SULF1: variants seen among roughly 807,000 people sequenced by gnomAD.
SULF1 encodes sulfatase 1, also known as extracellular sulfatase Sulf-1.
In SULF1, 46 loss-of-function variants were observed where a neutral mutation model predicts 110.5. The ratio of observed to expected loss-of-function variants is 0.42; its 90% CI spans 0.33 to 0.53. The LOEUF is 0.53. SULF1 is among the 20% of genes least tolerant of loss of function. The pLI, the probability that SULF1 is intolerant of heterozygous loss-of-function variation, is 0.12. For missense variants in SULF1, 941 were observed against 1,094.2 expected (o/e 0.86, Z 1.98); for synonymous variants, 371 against 387.1 (o/e 0.96, Z 0.49).
intron 3 of SULF1, among the ~76,000 whole-genome samples, chr8:69,519,175 C>T (rs1442244224): frequency 6.6e-6 from 1 of 152,128 alleles, no homozygotes; most frequent in East Asian, 1.9e-4. Flanking sequence ...AAAAATAAGT[C>T]CCACCACATT....
intron 8 of SULF1, chr8:69,596,978 A>T (rs1807388117): frequency 6.6e-6 from 1 of 152,228 alleles, no homozygotes; most frequent in African/African-American, 2.4e-5. Flanking sequence ...GTTGTCCAAG[A>T]TCACATAATA....
In SULF1 at chr8:69,540,327, GTATC is replaced by G. The variant is rs1375009272; in HGVS notation, c.-133-23209_-133-23206del. On this transcript the variant is annotated intron_variant, in intron 3 of 22. Transcript: ENST00000402687. ...TACAAATAGAGAACAAAATACTAGA[GTATC>G]TAATATTTGTAAGGCACTTTTGCAT... Among the ~76,000 whole-genome samples, 5 of 152,286 alleles carry G rather than the reference GTATC, an allele frequency of 3.3e-5. No homozygotes were observed. In the East Asian group the frequency reaches 9.6e-4, roughly 29 times the overall value.
intron 3 of SULF1, among the ~76,000 whole-genome samples, chr8:69,539,136 A>T (rs1358722961): frequency 6.6e-6 from 1 of 152,182 alleles, no homozygotes; most frequent in African/African-American, 2.4e-5. Flanking sequence ...CGCCTTTGTC[A>T]TTCGACCTGC....
chr8:69,522,015 A>G (rs1215395811), intron 3 of SULF1, among the ~76,000 whole-genome samples: 1 of 151,766 alleles, frequency 6.6e-6, no homozygotes, highest in Non-Finnish European at 1.5e-5. Flanking sequence ...AAAGGAAGAC[A>G]GAGAGAGAGA....
chr8:69,518,767 G>A (rs938551806), intron 3 of SULF1, among the ~76,000 whole-genome samples: 1 of 152,176 alleles, frequency 6.6e-6, no homozygotes, highest in African/African-American at 2.4e-5. Flanking sequence ...TGTGTGAAGT[G>A]TAAGTTATTC....
At chr8:69,559,900 T>C (rs1815362218) in intron 3 of SULF1, among the ~76,000 whole-genome samples, 2 of 151,044 alleles carry the variant, frequency 1.3e-5, no homozygotes, top group African/African-American at 4.8e-5. Flanking sequence ...GTTGTTTTTG[T>C]TTGTTTGTTT....
chr8:69,467,539 A>G (rs111543018), intron 1 of SULF1, among the ~76,000 whole-genome samples: 12 of 152,248 alleles, frequency 7.9e-5, no homozygotes, highest in Non-Finnish European at 1.3e-4. Flanking sequence ...TAAAACAAAA[A>G]TGCTTAGAGC....
intron 19 of SULF1, among the ~76,000 whole-genome samples, chr8:69,632,646 G>T (rs934522380): frequency 1.3e-5 from 2 of 151,956 alleles, no homozygotes; most frequent in Non-Finnish European, 2.9e-5. Context: ...TTTTTATTAT[G>T]TACCCATATC....
At chr8:69,559,757 C>G (rs1815347362) in intron 3 of SULF1, among the ~76,000 whole-genome samples, 1 of 152,054 alleles carries the variant, frequency 6.6e-6, no homozygotes, top group South Asian at 2.1e-4. Context: ...CCCCAGCCAC[C>G]AAGGGACTTT....
intron 1 of SULF1, 94 bp from the exon 2 acceptor site, chr8:69,495,671 C>T (rs1443428689): frequency 1.3e-5 from 2 of 152,182 alleles, no homozygotes; most frequent in Admixed American, 1.3e-4. Flanking sequence ...TGAGCAGAGA[C>T]TAAAGATCTA....
At chr8:69,518,299 G>A (rs1044654236) in intron 3 of SULF1, among the ~76,000 whole-genome samples, 3 of 151,774 alleles carry the variant, frequency 2.0e-5, no homozygotes, top group East Asian at 1.9e-4. Flanking sequence ...TCACCTTTTC[G>A]TTAATATGCT....
intron 13 of SULF1, among the ~76,000 whole-genome samples, chr8:69,616,087 GTA>G (rs201965019): frequency 0.011 from 1,458 of 132,424 alleles, 15 homozygotes; most frequent in South Asian, 0.016. Flanking sequence ...TATATAATGT[GTA>G]TATATATACA....
intron 7 of SULF1, among the ~76,000 whole-genome samples, chr8:69,587,974 C>T (rs577941661): frequency 1.3e-5 from 2 of 152,246 alleles, no homozygotes; most frequent in East Asian, 1.9e-4. Context: ...CAATGACATG[C>T]GGCACACACC....
chr8:69,570,158 C>T (rs143565161), intron 5 of SULF1, among the ~76,000 whole-genome samples: 8 of 152,282 alleles, frequency 5.3e-5, no homozygotes, highest in African/African-American at 1.9e-4. Flanking sequence ...CACCCCTCCA[C>T]AATCAGTAAG....
At chr8:69,637,666 C>G (rs1811164137) in intron 19 of SULF1, 1 of 153,806 alleles carries the variant, frequency 6.5e-6, no homozygotes, top group Non-Finnish European at 1.4e-5. Flanking sequence ...AAAAATTTTG[C>G]TGGGCCAGGC....
At chr8:69,624,234 A>C in intron 15 of SULF1, 37 bp downstream of exon 15, 1 of 1,533,380 alleles carries the variant, frequency 6.5e-7, no homozygotes, top group Non-Finnish European at 8.8e-7. Flanking sequence ...GGTTGAGTTC[A>C]GAATTACCAC....
chr8:69,585,147 G>A (rs1356192006), intron 6 of SULF1, among the ~76,000 whole-genome samples: 1 of 144,896 alleles, frequency 6.9e-6, no homozygotes, highest in Non-Finnish European at 1.5e-5. Context: ...ATGCATAGGG[G>A]TGTGTGTGTG....
At chr8:69,636,580 G>C (rs1016737584) in intron 19 of SULF1, among the ~76,000 whole-genome samples, 6 of 152,172 alleles carry the variant, frequency 3.9e-5, no homozygotes, top group African/African-American at 1.4e-4. Flanking sequence ...ATGAACTCTT[G>C]GAAAGCATTT....
At chr8:69,531,358 C>T (rs752469457) in intron 3 of SULF1, among the ~76,000 whole-genome samples, 16 of 152,110 alleles carry the variant, frequency 1.1e-4, no homozygotes, top group Non-Finnish European at 8.8e-5. Flanking sequence ...TTTCCCCTTC[C>T]CCACCCATAG....
Sources: gnomAD v4.1 joint callset for allele counts (sites outside exome capture counted in the v4.1 genomes callset) on GRCh38, gnomAD v4.1.1 for gene constraint, MANE v1.5 for transcripts, NCBI Gene and HGNC (gene_info 2026-07-23, HGNC 2026-07-21) for gene names.